SH3PXD2B: variants seen among roughly 807,000 people sequenced by gnomAD.
SH3PXD2B encodes SH3 and PX domain-containing protein 2B.
In SH3PXD2B, 37 loss-of-function variants were observed where a neutral mutation model predicts 73.1. That is an observed-to-expected ratio of 0.51 (90% confidence interval 0.39 to 0.67). SH3PXD2B has a LOEUF of 0.67. Ranked by LOEUF, SH3PXD2B falls within the 30% of genes least tolerant of loss-of-function variation. The probability of loss-of-function intolerance (pLI) is 0.00; values close to 1 mark genes in which losing one functional copy is unlikely to be tolerated. For synonymous variants in SH3PXD2B, 457 were observed against 480.5 expected (o/e 0.95, Z 0.64); for missense variants, 1,053 against 1,197.8 (o/e 0.88, Z 1.78).
intron 1 of SH3PXD2B, among the ~76,000 whole-genome samples, chr5:172,436,105 A>C (rs1759380165): frequency 6.6e-6 from 1 of 152,138 alleles, no homozygotes; most frequent in African/African-American, 2.4e-5. Flanking sequence ...TGCTTCCATG[A>C]CAGTGTCTGA....
chr5:172,338,652 G>A lies in SH3PXD2B; in HGVS notation c.2453C>T (p.Thr818Met), dbSNP rs777672562. The A allele has an allele frequency of 7.4e-6, 12 of 1,614,050 alleles. No individual in the cohort carries two copies. The highest frequency in any genetic ancestry group is 6.7e-5 in the African/African-American group (5 of 74,924). Reference protein sequence around the residue: ...LSNSLGGQDDTRGKGSLGPWG... With the variant: ...LSNSLGGQDDMRGKGSLGPWG... The stretch of plus-strand genomic sequence containing the variant: ...TGGCCCCAGGCTGCCTTTGCCTCGC[G>A]TGTCATCCTGGCCCCCCAAAGAGTT... The change falls in exon 13 of 13, where the codon ACG (threonine) becomes ATG (methionine). Residue 818 changes from threonine to methionine, a missense_variant. Coordinates refer to ENST00000311601, the MANE Select transcript of SH3PXD2B (RefSeq NM_001017995.3). The surrounding 1 kb of genome is among the most constrained non-coding windows in gnomAD (Gnocchi z 5.1).
In SH3PXD2B at chr5:172,326,678, G is replaced by A. The variant is rs551917019; in HGVS notation, c.1189-1298C>T. 1.8e-4 allele frequency among the ~76,000 whole-genome samples: 27 copies of A among 152,270 alleles called. No individual in the cohort carries two copies. In the East Asian group the frequency reaches 2.1e-3, roughly 12 times the overall value. On this transcript the variant is annotated intron_variant, in intron 12 of 12. Coordinates refer to the SH3PXD2B transcript ENST00000519643. ...GTCCTTGGGCTTAACCCATCCAGCC[G>A]CATGTTTCTTTTCACATGGTTTGTA...
intron 1 of SH3PXD2B, among the ~76,000 whole-genome samples, chr5:172,451,889 G>T (rs1759804465): frequency 6.6e-6 from 1 of 152,226 alleles, no homozygotes; most frequent in African/African-American, 2.4e-5. Context: ...GGATGACTCA[G>T]GCTTCAGTTC....
At position 172,350,379 on chromosome 5, in the gene SH3PXD2B, G is replaced by A. The variant is rs142552959; in HGVS notation, c.996C>T (p.Asp332=). ...GTCACTCACTCTGCTTGGCGTCACC[G>A]TCGGGCACCGGGCGGCCTTCAAACC... The part of the protein sequence containing the change: ...DGRFEGRPVP[D]GDAKQRSPKM... The change falls in exon 10 of 13, where the codon GAC becomes GAT. Residue 332 remains aspartate, a synonymous_variant. Transcript: ENST00000311601. 1.4e-4 allele frequency: 222 copies of A among 1,613,742 alleles called. 1 individual carries two copies. In the African/African-American group the frequency reaches 1.7e-3, roughly 12 times the overall value.
At chr5:172,449,297 C>T (rs1368761154) in intron 1 of SH3PXD2B, among the ~76,000 whole-genome samples, 1 of 152,190 alleles carries the variant, frequency 6.6e-6, no homozygotes, top group East Asian at 1.9e-4. Flanking sequence ...AACCGGGGTC[C>T]AGAAGCCTAA....
intron 2 of SH3PXD2B, among the ~76,000 whole-genome samples, chr5:172,418,457 G>A (rs1002914420): frequency 3.3e-5 from 5 of 152,162 alleles, no homozygotes; most frequent in Non-Finnish European, 7.3e-5. Flanking sequence ...TGGCCTTGCT[G>A]CTCCTCCACC....
chr5:172,375,102 T>A (rs911289716), intron 5 of SH3PXD2B, among the ~76,000 whole-genome samples: 1 of 152,134 alleles, frequency 6.6e-6, no homozygotes, highest in Admixed American at 6.5e-5. Flanking sequence ...TTCACGCCTG[T>A]AATCCCAGCA....
intron 11 of SH3PXD2B, among the ~76,000 whole-genome samples, chr5:172,346,654 C>A (rs1371618130): frequency 1.3e-5 from 2 of 152,088 alleles, no homozygotes; most frequent in African/African-American, 4.8e-5. Context: ...AGTTTTCTCT[C>A]CTGCAGAGTG....
intron 10 of SH3PXD2B, among the ~76,000 whole-genome samples, chr5:172,349,571 G>A (rs974576752): frequency 1.1e-4 from 16 of 152,322 alleles, no homozygotes; most frequent in Non-Finnish European, 1.6e-4. Flanking sequence ...GCTTAGAAAC[G>A]AGGCCACATG....
At chr5:172,404,318 T>A (rs9313593) in intron 3 of SH3PXD2B, among the ~76,000 whole-genome samples, 15,512 of 150,712 alleles carry the variant, frequency 0.1, 1,611 homozygotes, top group African/African-American at 0.27. Flanking sequence ...ATATATATAT[T>A]TTTTTTTGAG....
At chr5:172,387,288 G>A (rs1399900481) in intron 4 of SH3PXD2B, among the ~76,000 whole-genome samples, 1 of 152,222 alleles carries the variant, frequency 6.6e-6, no homozygotes, top group Non-Finnish European at 1.5e-5. Flanking sequence ...ATGAACACTG[G>A]TGCAAGTGAA....
At chr5:172,397,031 C>A (rs976546679) in intron 3 of SH3PXD2B, among the ~76,000 whole-genome samples, 11 of 152,106 alleles carry the variant, frequency 7.2e-5, no homozygotes, top group African/African-American at 2.4e-4. Context: ...GAGAGCCAGG[C>A]GGAACAGAGC....
intron 2 of SH3PXD2B, among the ~76,000 whole-genome samples, chr5:172,408,815 C>T (rs922412451): frequency 6.6e-6 from 1 of 151,390 alleles, no homozygotes; most frequent in South Asian, 2.1e-4. Flanking sequence ...TGAGCCACCA[C>T]GCCTGGCCTG....
In SH3PXD2B at chr5:172,336,014, C is replaced by T; in HGVS notation, c.*2355G>A. Reference sequence around the variant, plus strand: ...GCAGGGCAAGTCTGCTCCTACCCAGCTGACCCCCGGGAGGAAGGAATGAAG... The same window carrying T: ...GCAGGGCAAGTCTGCTCCTACCCAGTTGACCCCCGGGAGGAAGGAATGAAG... On this transcript the variant is annotated 3_prime_UTR_variant, in exon 13 of 13. Transcript: ENST00000311601. 9.9e-7 allele frequency: 1 copy of T among 1,007,402 alleles called. No homozygotes were observed. The highest frequency in any genetic ancestry group is 1.7e-5 in the African/African-American group (1 of 58,316). 62.4% of individuals were successfully genotyped at this position (1,007,402 alleles called of 1,614,324 possible).
chr5:172,370,403 T>A (rs1408866311), intron 6 of SH3PXD2B, among the ~76,000 whole-genome samples: 1 of 152,112 alleles, frequency 6.6e-6, no homozygotes, highest in Non-Finnish European at 1.5e-5. Context: ...AGTGTGCCAA[T>A]GGGATTTGGC....
intron 1 of SH3PXD2B, among the ~76,000 whole-genome samples, chr5:172,431,975 G>A (rs1291984664): frequency 6.6e-6 from 1 of 152,024 alleles, no homozygotes; most frequent in Non-Finnish European, 1.5e-5. Flanking sequence ...TCAGGGGTTC[G>A]AGACCAGCCT....
intron 6 of SH3PXD2B, among the ~76,000 whole-genome samples, chr5:172,370,118 A>G (rs533875573): frequency 2.6e-5 from 4 of 152,332 alleles, no homozygotes; most frequent in African/African-American, 9.6e-5. Context: ...AACACAGGAT[A>G]AATGAAGACT....
intron 1 of SH3PXD2B, among the ~76,000 whole-genome samples, chr5:172,425,813 C>G (rs1759082584): frequency 6.6e-6 from 1 of 152,042 alleles, no homozygotes; most frequent in South Asian, 2.1e-4. Context: ...GCAGGGACAC[C>G]AGTAAGGCAT....
chr5:172,335,592 C>G lies in SH3PXD2B; in HGVS notation c.*2777G>C, dbSNP rs1372682900. 19 of 1,231,760 alleles carry G rather than the reference C, an allele frequency of 1.5e-5. No homozygotes were observed. The highest frequency in any genetic ancestry group is 1.9e-5 in the Non-Finnish European group (19 of 988,080). 76.3% of individuals were successfully genotyped at this position (1,231,760 alleles called of 1,614,324 possible). ...TTAAAGGAGCGTGTGTGTTTAGGCA[C>G]TGGTCACCAGCCCGGTGCTTGGCAC... On this transcript the variant is annotated 3_prime_UTR_variant, in exon 13 of 13. Transcript: ENST00000311601.
Sources: gnomAD v4.1 joint callset for allele counts (sites outside exome capture counted in the v4.1 genomes callset) on GRCh38, gnomAD v4.1.1 for gene constraint, Gnocchi (gnomAD v3.1) non-coding constraint, MANE v1.5 for transcripts, NCBI Gene and HGNC (gene_info 2026-07-23, HGNC 2026-07-21) for gene names.